Variants in FER1L5 observed in about 807,000 individuals in gnomAD.
The protein encoded by FER1L5 is fer-1-like protein 5.
In FER1L5, 187 loss-of-function variants were observed where a neutral mutation model predicts 279.9. The ratio of observed to expected loss-of-function variants is 0.67; its 90% confidence interval spans 0.59 to 0.75. FER1L5 has a LOEUF of 0.75. Among genes scored for constraint, FER1L5 ranks in the 30% least tolerant of loss-of-function variants. FER1L5 has a pLI of 0.00. For missense variants in FER1L5, 2,091 were observed against 2,594.4 expected, an observed-to-expected ratio of 0.81 and a Z score of 4.21; for synonymous variants, 921 against 989.7, an observed-to-expected ratio of 0.93 and a Z score of 1.30.
At chr2:96,693,782 C>T in intron 32 of FER1L5, 95 bp downstream of exon 32, 11 of 1,484,766 alleles carry the variant, frequency 7.4e-6, no homozygotes, top group Non-Finnish European at 8.1e-6. Context: ...AAAGTGCTCC[C>T]ATGAGGCCTG....
intron 18 of FER1L5, among the ~76,000 whole-genome samples, chr2:96,671,265 G>A (rs1281189923): frequency 6.6e-6 from 1 of 152,146 alleles, no homozygotes; most frequent in Admixed American, 6.6e-5. Context: ...GAAGGGGCAG[G>A]AGGAGCAGTA....
At chr2:96,643,419 G>A (rs1227378495) in intron 1 of FER1L5, among the ~76,000 whole-genome samples, 1 of 150,932 alleles carries the variant, frequency 6.6e-6, no homozygotes, top group East Asian at 1.9e-4. Flanking sequence ...GTGTGATCTC[G>A]GCTCACTGCA....
intron 45 of FER1L5, 90 bp downstream of exon 45, chr2:96,700,561 A>T: frequency 1.9e-6 from 3 of 1,567,162 alleles, no homozygotes; most frequent in Non-Finnish European, 2.6e-6. Flanking sequence ...ATAGTCCACG[A>T]GAGGAGAAGG....
intron 17 of FER1L5, among the ~76,000 whole-genome samples, chr2:96,669,585 A>G (rs1469876985): frequency 6.6e-6 from 1 of 152,142 alleles, no homozygotes; most frequent in African/African-American, 2.4e-5. Flanking sequence ...CTGGGAAGGA[A>G]CGAGGCAGGG....
Position 96,642,904 on chromosome 2 carries a change from T to C in FER1L5, c.68T>C (p.Met23Thr). ...CTAGCCCCACTACCCAGGCCCTGCA[T>C]GTCCATCGACTTCAGAGGTGAGAGC... ...PPLAPLPRPC[M>T]SIDFRDIKKR... The change falls in exon 1 of 53, where the codon ATG becomes ACG. Residue 23 changes from methionine to threonine, a missense_variant. Transcript: ENST00000624922. 3 of 1,551,030 alleles carry C rather than the reference T, an allele frequency of 1.9e-6. No homozygotes were observed. The highest frequency in any genetic ancestry group is 2.6e-6 in the Non-Finnish European group (3 of 1,146,644).
rs1245883822 is a variant in FER1L5 at position 96,702,085 on chromosome 2, C to T, written c.5159+42C>T. 6.2e-7 allele frequency: 1 copy of T among 1,604,976 alleles called. No homozygotes were observed. The highest frequency in any genetic ancestry group is 1.1e-5 in the South Asian group (1 of 90,736). On this transcript the variant is annotated intron_variant, in intron 46 of 52. Coordinates refer to ENST00000624922, the MANE Select transcript of FER1L5 (RefSeq NM_001293083.2). The surrounding 1 kb of genome is among the most constrained non-coding windows in gnomAD (Gnocchi z 4.0). ...TTCCCAACTGCTGCATTTCACAGTT[C>T]AGAACTCCCCCAGTGCAGGGCACCA...
At chr2:96,657,063 A>ATT (rs971666453) in intron 9 of FER1L5, among the ~76,000 whole-genome samples, 9 of 129,818 alleles carry the variant, frequency 6.9e-5, no homozygotes, top group Non-Finnish European at 1.1e-4. Flanking sequence ...TTATTTTTTA[A>ATT]TTTATATATA....
intron 9 of FER1L5, among the ~76,000 whole-genome samples, chr2:96,659,532 CCCAGGCTGGAGAGCA>C (rs2075867005): frequency 7.0e-6 from 1 of 142,472 alleles, no homozygotes; most frequent in Admixed American, 7.6e-5. Flanking sequence ...CGCTCTGTCG[CCCAGGCTGGAGAGCA>C]GTGGCGCAAT....
In FER1L5 at chr2:96,661,697, T is replaced by G; in HGVS notation, c.924T>G (p.Asp308Glu). The G allele has an allele frequency of 6.4e-7, 1 of 1,551,736 alleles. No homozygotes were observed. Among genetic ancestry groups the G allele is most frequent in the South Asian group, 1.2e-5 (1 of 84,070 alleles). ...ATCAAAAGCTGCTCTATGGCACCGA[T>G]GACACCGATATTCAGATCTTCAAGT... is the stretch of plus-strand genomic sequence containing the variant. ...LIDQKLLYGT[D>E]DTDIQIFKSA... Residue 308 changes from aspartate (D) to glutamate (E), a missense_variant, in exon 12 of 53, where the codon GAT becomes GAG. Transcript: ENST00000624922.
chr2:96,684,281 A>G (rs1427877914), intron 19 of FER1L5, 46 bp from the exon 20 acceptor site: 3 of 1,538,108 alleles, frequency 2.0e-6, no homozygotes, highest in African/African-American at 1.4e-5. Context: ...GAGACCTCCC[A>G]GAATCCCCCA....
intron 30 of FER1L5, 65 bp downstream of exon 30, chr2:96,692,028 G>GAC: frequency 1.9e-6 from 2 of 1,028,056 alleles, no homozygotes; most frequent in Non-Finnish European, 2.9e-6. Context: ...GCGGGGGGGG[G>GAC]GGACAGGGTG....
chr2:96,689,345 C>A lies in FER1L5; in HGVS notation c.2494C>A (p.Gln832Lys). Residue 832 changes from glutamine (Q) to lysine (K), a missense_variant, in exon 25 of 53, where the codon CAG becomes AAG. Coordinates refer to ENST00000624922, the MANE Select transcript of FER1L5 (RefSeq NM_001293083.2). The surrounding 1 kb of genome is among the most constrained non-coding windows in gnomAD (Gnocchi z 4.6). ...DFQPPLGWHW[Q>K]DSWTVEPQRR... ...CCAACCACCCCTGGGATGGCACTGGCAGGACAGCTGGACAGTGGAACCTCA... is the reference window on the plus strand; with the variant it reads ...CCAACCACCCCTGGGATGGCACTGGAAGGACAGCTGGACAGTGGAACCTCA... 3.2e-6 allele frequency: 5 copies of A among 1,550,604 alleles called. No individual in the cohort carries two copies. The highest frequency in any genetic ancestry group is 4.4e-6 in the Non-Finnish European group (5 of 1,146,726).
intron 19 of FER1L5, among the ~76,000 whole-genome samples, chr2:96,679,186 A>T (rs1371553741): frequency 6.6e-6 from 1 of 151,518 alleles, no homozygotes; most frequent in Non-Finnish European, 1.5e-5. Flanking sequence ...TCCTACAGAA[A>T]TTTTTTAAAA....
chr2:96,672,454 G>A (rs1331025475), intron 18 of FER1L5, among the ~76,000 whole-genome samples: 2 of 152,142 alleles, frequency 1.3e-5, no homozygotes, highest in Non-Finnish European at 2.9e-5. Flanking sequence ...GAGAAGGAAA[G>A]TTATTTTTTT....
chr2:96,670,833 G>T (rs142754127), intron 18 of FER1L5, among the ~76,000 whole-genome samples: 3 of 151,712 alleles, frequency 2.0e-5, no homozygotes, highest in Non-Finnish European at 4.4e-5. Context: ...TGCCGGGCAC[G>T]ATGACTCACA....
At chr2:96,668,827 G>T (rs1011508360) in intron 15 of FER1L5, 33 bp downstream of exon 15, 70 of 1,551,510 alleles carry the variant, frequency 4.5e-5, no homozygotes, top group South Asian at 1.2e-4. Flanking sequence ...AAGCACACAG[G>T]GAAGGAAGAA....
At chr2:96,648,515 G>A (rs1469565393) in intron 4 of FER1L5, among the ~76,000 whole-genome samples, 1 of 152,232 alleles carries the variant, frequency 6.6e-6, no homozygotes, top group Non-Finnish European at 1.5e-5. Context: ...ATTGGTTAGA[G>A]GGGCATGTTT....
At chr2:96,684,539 A>G in intron 20 of FER1L5, 88 bp downstream of exon 20, 1 of 1,485,172 alleles carries the variant, frequency 6.7e-7, no homozygotes, top group Non-Finnish European at 9.0e-7. Context: ...GTGGCAGGAA[A>G]CTGGTCACAC....
At position 96,686,130 on chromosome 2, in the gene FER1L5, C is replaced by T. The variant is rs1481610527; in HGVS notation, c.2073+13C>T. On this transcript the variant is annotated intron_variant, in intron 22 of 52. Coordinates refer to ENST00000624922, the MANE Select transcript of FER1L5 (RefSeq NM_001293083.2). The stretch of plus-strand genomic sequence containing the variant: ...CGTGCTCCCTGAGGTGGGTGCTGCA[C>T]ACACTGGCCTGCAGCAGGGCTGGGA... 16 of 1,548,526 alleles carry T rather than the reference C, an allele frequency of 1.0e-5. No individual in the cohort carries two copies. In the East Asian group the frequency reaches 3.7e-4, roughly 36 times the overall value.
Sources: gnomAD v4.1 joint callset for allele counts (sites outside exome capture counted in the v4.1 genomes callset) on GRCh38, gnomAD v4.1.1 for gene constraint, Gnocchi (gnomAD v3.1) non-coding constraint, MANE v1.5 for transcripts, NCBI Gene and HGNC (gene_info 2026-07-23, HGNC 2026-07-21) for gene names.